CNTN5: variants seen among roughly 807,000 people sequenced by gnomAD.
The protein encoded by CNTN5 is contactin 5.
CNTN5 carries 77 observed loss-of-function variants against 129.1 expected under a neutral mutation model. That is an observed-to-expected ratio of 0.60 (90% confidence interval 0.50 to 0.72). The LOEUF is 0.72. CNTN5 is among the 30% of genes least tolerant of loss of function. The probability of loss-of-function intolerance (pLI) is 0.00; values close to 1 mark genes in which losing one functional copy is unlikely to be tolerated. For synonymous variants in CNTN5, 509 were observed against 465.6 expected (o/e 1.09, Z -1.20); for missense variants, 1,478 against 1,328.8 (o/e 1.11, Z -1.75).
intron 1 of CNTN5, among the ~76,000 whole-genome samples, chr11:99,155,791 A>G (rs1210440189): frequency 1.3e-5 from 2 of 152,220 alleles, no homozygotes; most frequent in Admixed American, 6.5e-5. Flanking sequence ...GAGTCAAGAC[A>G]GTGACACATA....
intron 8 of CNTN5, among the ~76,000 whole-genome samples, chr11:99,971,905 G>A (rs2137307790): frequency 6.6e-6 from 1 of 150,682 alleles, no homozygotes; most frequent in Non-Finnish European, 1.5e-5. Flanking sequence ...ACTCAATAAT[G>A]TGATCCCCAA....
intron 1 of CNTN5, among the ~76,000 whole-genome samples, chr11:99,221,809 A>T (rs1860410337): frequency 6.6e-6 from 1 of 151,970 alleles, no homozygotes; most frequent in Admixed American, 6.6e-5. Flanking sequence ...CTGGGAAATA[A>T]ATTTAGTAAA....
chr11:99,532,974 G>C (rs541547820), intron 2 of CNTN5, among the ~76,000 whole-genome samples: 2 of 152,206 alleles, frequency 1.3e-5, no homozygotes, highest in African/African-American at 4.8e-5. Flanking sequence ...TGTAATCCCA[G>C]CACTTTGGGA....
intron 7 of CNTN5, among the ~76,000 whole-genome samples, chr11:99,955,240 T>A (rs1950770709): frequency 6.6e-6 from 1 of 151,526 alleles, no homozygotes; most frequent in South Asian, 2.1e-4. Flanking sequence ...ATTAAAGGGA[T>A]TCACATTGTT....
chr11:99,319,201 G>A (rs998983832), intron 1 of CNTN5, among the ~76,000 whole-genome samples: 1 of 152,202 alleles, frequency 6.6e-6, no homozygotes, highest in Non-Finnish European at 1.5e-5. Context: ...ATGTGTGTAA[G>A]TATGGAGTCT....
intron 3 of CNTN5, among the ~76,000 whole-genome samples, chr11:99,568,478 GA>G (rs1411137488): frequency 6.6e-6 from 1 of 152,144 alleles, no homozygotes; most frequent in Non-Finnish European, 1.5e-5. Context: ...AGCATCTGGG[GA>G]ACTGCCTCTA....
chr11:99,810,489 C>T (rs1946397205), intron 3 of CNTN5, among the ~76,000 whole-genome samples: 1 of 152,028 alleles, frequency 6.6e-6, no homozygotes, highest in Non-Finnish European at 1.5e-5. Context: ...ATGCTTTTTG[C>T]TCTTGAAGCT....
intron 1 of CNTN5, among the ~76,000 whole-genome samples, chr11:99,305,213 C>G (rs1346365341): frequency 6.6e-6 from 1 of 152,154 alleles, no homozygotes; most frequent in East Asian, 1.9e-4. Flanking sequence ...AGGGCTTTGT[C>G]TCTCTGAATG....
intron 7 of CNTN5, among the ~76,000 whole-genome samples, chr11:99,940,232 T>A (rs2136108416): frequency 6.6e-6 from 1 of 152,236 alleles, no homozygotes; most frequent in African/African-American, 2.4e-5. Context: ...TTGATCTAGA[T>A]CATATGGAGG....
chr11:99,185,252 T>G (rs1858282835), intron 1 of CNTN5, among the ~76,000 whole-genome samples: 1 of 149,424 alleles, frequency 6.7e-6, no homozygotes, highest in Admixed American at 6.8e-5. Flanking sequence ...GAGACTTATA[T>G]GAATAGGCTG....
intron 3 of CNTN5, among the ~76,000 whole-genome samples, chr11:99,731,226 G>A (rs1943522690): frequency 6.6e-6 from 1 of 151,776 alleles, no homozygotes; most frequent in African/African-American, 2.4e-5. Flanking sequence ...TCCTGCCTCA[G>A]CCTCCCGAGT....
At chr11:99,830,635 A>T (rs1171534365) in intron 4 of CNTN5, among the ~76,000 whole-genome samples, 1 of 152,202 alleles carries the variant, frequency 6.6e-6, no homozygotes. Context: ...TAAATAAAAT[A>T]CATCATGTCA....
chr11:99,438,691 T>A (rs947348374), intron 2 of CNTN5, among the ~76,000 whole-genome samples: 2 of 152,184 alleles, frequency 1.3e-5, no homozygotes, highest in African/African-American at 4.8e-5. Context: ...AAAGCTCTAA[T>A]TTTTCACTCA....
intron 3 of CNTN5, among the ~76,000 whole-genome samples, chr11:99,792,005 C>G (rs1359206160): frequency 6.6e-6 from 1 of 151,824 alleles, no homozygotes; most frequent in Non-Finnish European, 1.5e-5. Flanking sequence ...TTGGTGGGGT[C>G]TTTAGGGCTT....
chr11:99,195,693 T>C (rs978961434), intron 1 of CNTN5, among the ~76,000 whole-genome samples: 3 of 152,058 alleles, frequency 2.0e-5, no homozygotes, highest in Non-Finnish European at 4.4e-5. Flanking sequence ...TTTAAAACAT[T>C]TACAAATTCA....
intron 3 of CNTN5, among the ~76,000 whole-genome samples, chr11:99,712,076 G>A (rs780063452): frequency 6.6e-6 from 1 of 152,068 alleles, no homozygotes; most frequent in Non-Finnish European, 1.5e-5. Flanking sequence ...CACAATGGTT[G>A]AACTAATTTA....
At position 99,885,861 on chromosome 11, in the gene CNTN5, C is replaced by T. The variant is rs1339530794; in HGVS notation, c.578-30193C>T. On this transcript the variant is annotated intron_variant, in intron 6 of 24. Transcript: ENST00000524871. ...AATTGAAAATGTTGCAAAAAGTCCT[C>T]CAAAAGTAAAATTTTCCAAAACTGA... Among the ~76,000 whole-genome samples, 4 of 152,052 alleles carry T rather than the reference C, an allele frequency of 2.6e-5. No individual in the cohort carries two copies. In the East Asian group the frequency reaches 7.7e-4, roughly 29 times the overall value.
intron 3 of CNTN5, among the ~76,000 whole-genome samples, chr11:99,797,007 G>A (rs1262382772): frequency 1.3e-5 from 2 of 151,894 alleles, no homozygotes; most frequent in Admixed American, 1.3e-4. Flanking sequence ...GAGTCCCAGG[G>A]CACCCTAGCT....
intron 10 of CNTN5, among the ~76,000 whole-genome samples, chr11:100,069,246 A>G (rs1396819544): frequency 6.6e-6 from 1 of 152,022 alleles, no homozygotes; most frequent in East Asian, 1.9e-4. Context: ...TCAACCTCCC[A>G]TGATCAAACA....
Sources: allele counts gnomAD v4.1 joint callset (sites outside exome capture counted in the v4.1 genomes callset), GRCh38; gene constraint gnomAD v4.1.1; transcripts MANE v1.5; gene names NCBI Gene and HGNC (gene_info 2026-07-23, HGNC 2026-07-21).